The following C12orf42 variants were observed in gnomAD, a reference collection of about 807,000 sequenced individuals.
C12orf42 encodes uncharacterized protein C12orf42.
In C12orf42, 25 loss-of-function variants were observed where a neutral mutation model predicts 21.6. The ratio of observed to expected loss-of-function variants is 1.16; its 90% CI spans 0.84 to 1.62. C12orf42 has a LOEUF of 1.62. Ranked by LOEUF, C12orf42 falls within the 40% of genes most tolerant of loss-of-function variation. The pLI, the probability that C12orf42 is intolerant of heterozygous loss-of-function variation, is 0.00. For synonymous variants in C12orf42, 174 were observed against 175.0 expected (o/e 0.99, Z 0.05); for missense variants, 483 against 459.3 (o/e 1.05, Z -0.47).
intron 4 of C12orf42, among the ~76,000 whole-genome samples, chr12:103,294,494 A>C (rs1319472357): frequency 6.9e-5 from 10 of 145,632 alleles, no homozygotes; most frequent in South Asian, 2.2e-4. Context: ...AGCAAGAAAG[A>C]AAGAAAGAAA....
chr12:103,431,418 T>G (rs1454253407), intron 2 of C12orf42: 4 of 152,164 alleles, frequency 2.6e-5, no homozygotes, highest in African/African-American at 7.2e-5. Flanking sequence ...ATAAAACACT[T>G]TCCTATATGT....
chr12:103,260,761 G>A (rs1276309279), intron 10 of C12orf42, among the ~76,000 whole-genome samples: 1 of 152,120 alleles, frequency 6.6e-6, no homozygotes, highest in Non-Finnish European at 1.5e-5. Flanking sequence ...ATCTGTTTTT[G>A]CATAGTTTAT....
At chr12:103,319,697 C>T (rs1173213427) in intron 4 of C12orf42, among the ~76,000 whole-genome samples, 2 of 152,220 alleles carry the variant, frequency 1.3e-5, no homozygotes, top group Non-Finnish European at 2.9e-5. Flanking sequence ...CTGGCCAATA[C>T]ATCTTCTAAC....
At chr12:103,492,552 A>C (rs992642054) in intron 1 of C12orf42, among the ~76,000 whole-genome samples, 2 of 152,134 alleles carry the variant, frequency 1.3e-5, no homozygotes, top group Non-Finnish European at 2.9e-5. Flanking sequence ...CATCCATTTG[A>C]TCATAATCTT....
At chr12:103,115,253 G>A in the C12orf42 span, among the ~76,000 whole-genome samples, 9 of 152,266 alleles carry the variant, frequency 5.9e-5, no homozygotes, top group Middle Eastern at 3.4e-3. Flanking sequence ...GAGTCAGTGG[G>A]TTATTTTTTA....
chr12:103,204,079 C>A, the C12orf42 span, among the ~76,000 whole-genome samples: 1 of 152,250 alleles, frequency 6.6e-6, no homozygotes, highest in South Asian at 2.1e-4. Flanking sequence ...GCTTCAATCT[C>A]CACCATCTTA....
chr12:103,286,253 A>AAAATAAATAAAT (rs200130397), intron 4 of C12orf42, among the ~76,000 whole-genome samples: 3 of 146,010 alleles, frequency 2.1e-5, no homozygotes, highest in South Asian at 2.2e-4. Flanking sequence ...TCCATCTCAA[A>AAAATAAATAAAT]AAATAAATAA....
chr12:103,546,447 T>C, the C12orf42 span, among the ~76,000 whole-genome samples: 4 of 152,198 alleles, frequency 2.6e-5, no homozygotes, highest in African/African-American at 9.7e-5. Context: ...GTTGCTTTTA[T>C]GTTGTGTGTA....
chr12:103,493,298 C>T (rs1565909126), intron 1 of C12orf42, among the ~76,000 whole-genome samples: 1 of 152,160 alleles, frequency 6.6e-6, no homozygotes, highest in African/African-American at 2.4e-5. Flanking sequence ...ATATTCTCCC[C>T]ACACTCACAA....
chr12:103,216,989 C>T, the C12orf42 span, among the ~76,000 whole-genome samples: 4 of 152,068 alleles, frequency 2.6e-5, no homozygotes, highest in East Asian at 3.9e-4. Flanking sequence ...AATACAGGCA[C>T]GCACCACCAC....
the C12orf42 span, among the ~76,000 whole-genome samples, chr12:103,531,263 TAG>T: frequency 3.9e-5 from 6 of 152,212 alleles, no homozygotes; most frequent in East Asian, 3.8e-4. Flanking sequence ...GGCAGTGGTG[TAG>T]AGAGTTTAAG....
chr12:103,360,394 G>T (rs2043988550), intron 4 of C12orf42, among the ~76,000 whole-genome samples: 1 of 151,718 alleles, frequency 6.6e-6, no homozygotes, highest in Admixed American at 6.6e-5. Context: ...ATTCTGGAGG[G>T]TTCCTATTGT....
chr12:103,107,087 C>T, the C12orf42 span, among the ~76,000 whole-genome samples: 3 of 151,898 alleles, frequency 2.0e-5, no homozygotes, highest in Admixed American at 6.6e-5. Flanking sequence ...CCTGAAATAA[C>T]TAAATCATAT....
intron 3 of C12orf42, among the ~76,000 whole-genome samples, chr12:103,389,758 A>T (rs76118476): frequency 6.6e-6 from 1 of 152,178 alleles, no homozygotes; most frequent in African/African-American, 2.4e-5. Context: ...TCCATTGTCC[A>T]TGAAGATATA....
intron 4 of C12orf42, among the ~76,000 whole-genome samples, chr12:103,280,906 A>G (rs1302417575): frequency 6.6e-6 from 1 of 152,208 alleles, no homozygotes; most frequent in Non-Finnish European, 1.5e-5. Flanking sequence ...TTCCAACACT[A>G]AAATCTTTAT....
At chr12:103,555,632 G>A in the C12orf42 span, among the ~76,000 whole-genome samples, 3 of 152,124 alleles carry the variant, frequency 2.0e-5, no homozygotes, top group South Asian at 4.2e-4. Flanking sequence ...CTCCTGAGAT[G>A]TGGTTAGAAA....
chr12:103,169,133 C>T, the C12orf42 span, among the ~76,000 whole-genome samples: 74,162 of 150,768 alleles, frequency 0.49, 18,470 homozygotes, highest in East Asian at 0.67. Flanking sequence ...ATGTTCTGCA[C>T]GGATATTCCA....
At chr12:103,543,987 G>T in the C12orf42 span, among the ~76,000 whole-genome samples, 1 of 151,208 alleles carries the variant, frequency 6.6e-6, no homozygotes, top group South Asian at 2.1e-4. Flanking sequence ...TCCACCTCCC[G>T]GGTTCACACC....
the C12orf42 span, among the ~76,000 whole-genome samples, chr12:103,170,041 G>A: frequency 6.6e-5 from 10 of 152,130 alleles, no homozygotes; most frequent in Non-Finnish European, 1.2e-4. Context: ...AAGTCAAGAA[G>A]CTAAAAGGCA....
Sources: allele counts gnomAD v4.1 joint callset (sites outside exome capture counted in the v4.1 genomes callset), GRCh38; gene constraint gnomAD v4.1.1; transcripts MANE v1.5; gene names NCBI Gene and HGNC (gene_info 2026-07-23, HGNC 2026-07-21).